Variants in PCDHGB1 observed in about 807,000 individuals in gnomAD.
PCDHGB1 encodes the protein protocadherin gamma-B1.
Under a neutral mutation model 56.6 loss-of-function variants are expected in PCDHGB1, and 34 were observed. The ratio of observed to expected loss-of-function variants is 0.60; its 90% CI spans 0.46 to 0.80. The LOEUF (loss-of-function observed/expected upper bound fraction) is 0.80, where lower values mean the gene tolerates loss of function less well. Among genes scored for constraint, PCDHGB1 ranks in the 30% least tolerant of loss-of-function variants. The pLI is 0.00. For synonymous variants in PCDHGB1, 561 were observed against 505.9 expected (o/e 1.11, Z -1.46); for missense variants, 1,278 against 1,204.6 (o/e 1.06, Z -0.90).
chr5:141,436,594 G>A (rs79477223), intron 1 of PCDHGB1, among the ~76,000 whole-genome samples: 2 of 152,106 alleles, frequency 1.3e-5, no homozygotes, highest in African/African-American at 2.4e-5. Flanking sequence ...AAAGGTCGTG[G>A]TGATGGCTAG....
At chr5:141,469,893 A>G (rs2099214569) in intron 1 of PCDHGB1, among the ~76,000 whole-genome samples, 1 of 152,200 alleles carries the variant, frequency 6.6e-6, no homozygotes, top group South Asian at 2.1e-4. Context: ...CACTTTGGGA[A>G]GCCGAGGCAG....
At chr5:141,365,866 T>C (rs1335120625) in intron 1 of PCDHGB1, 1 of 1,614,068 alleles carries the variant, frequency 6.2e-7, no homozygotes, top group South Asian at 1.1e-5. Flanking sequence ...CTGACACCGG[T>C]GTCCTGTATG....
At chr5:141,374,350 G>A in intron 1 of PCDHGB1, 1 of 1,614,038 alleles carries the variant, frequency 6.2e-7, no homozygotes, top group Non-Finnish European at 8.5e-7. Flanking sequence ...CCGCGGGTAG[G>A]ATAGACCGCG....
Position 141,350,723 on chromosome 5 carries a change from C to A in PCDHGB1, c.463C>A (p.Gln155Lys), listed in dbSNP as rs1394081378. 2.5e-6 allele frequency: 4 copies of A among 1,613,944 alleles called. No homozygotes were observed. The highest frequency in any genetic ancestry group is 3.4e-6 in the Non-Finnish European group (4 of 1,179,880). ...PGVKFSLDSAQDADVEGNSLK... is the reference protein window; with the variant it reads ...PGVKFSLDSAKDADVEGNSLK... ...GGTAAAATTCTCTCTGGATTCTGCT[C>A]AAGATGCAGATGTGGAAGGCAATTC... The change falls in exon 1 of 4, where the codon CAA becomes AAA. Residue 155 changes from glutamine to lysine, a missense_variant. Physicochemically the swap from Gln to Lys is moderately conservative, Grantham distance 53. Coordinates refer to ENST00000523390, the MANE Select transcript of PCDHGB1 (RefSeq NM_018922.3).
At chr5:141,445,538 G>A (rs1188324168) in intron 1 of PCDHGB1, among the ~76,000 whole-genome samples, 1 of 152,168 alleles carries the variant, frequency 6.6e-6, no homozygotes, top group African/African-American at 2.4e-5. Flanking sequence ...AGCCAACAAG[G>A]AGAAATACAA....
chr5:141,491,006 T>C lies in PCDHGB1; in HGVS notation c.2410-3801T>C. The C allele has an allele frequency of 6.2e-7, 1 of 1,614,062 alleles. No homozygotes were observed. Among genetic ancestry groups the C allele is most frequent in the Non-Finnish European group, 8.5e-7 (1 of 1,180,028 alleles). ...CGCTCTGCTCCTCCTGGCTCCTTGG[T>C]CACCAAGGTGACAGCCGTGGATGCT... On this transcript the variant is annotated intron_variant, in intron 1 of 3. Transcript: ENST00000523390. This position sits in a 1 kb window ranked among gnomAD's most constrained non-coding sequence, Gnocchi z 6.9.
chr5:141,421,860 C>T (rs759779291), intron 1 of PCDHGB1: 1 of 1,613,750 alleles, frequency 6.2e-7, no homozygotes. Flanking sequence ...CTCACCTGCT[C>T]CTCCTCACAG....
chr5:141,357,279 C>T lies in PCDHGB1; in HGVS notation c.2409+4610C>T, dbSNP rs139727169. 6.8e-6 allele frequency: 11 copies of T among 1,613,878 alleles called. No individual in the cohort carries two copies. The East Asian group carries it at 2.2e-4, about 33-fold the overall frequency. ...ACGACTCGGGCCTCACACTCTATCT[C>T]GTGGTGGCAGTGGCCGCTGTCTCCT... On this transcript the variant is annotated intron_variant, in intron 1 of 3. Coordinates refer to ENST00000523390, the MANE Select transcript of PCDHGB1 (RefSeq NM_018922.3).
chr5:141,505,317 G>A, intron 2 of PCDHGB1, 76 bp from the exon 3 acceptor site: 1 of 1,603,092 alleles, frequency 6.2e-7, no homozygotes, highest in Non-Finnish European at 8.5e-7. Flanking sequence ...AGGTTTGGGA[G>A]CCCTGGGAGA....
chr5:141,393,508 T>C, intron 1 of PCDHGB1: 1 of 1,614,010 alleles, frequency 6.2e-7, no homozygotes, highest in Non-Finnish European at 8.5e-7. Context: ...CACGTGACAG[T>C]GTTGGATACA....
intron 3 of PCDHGB1, among the ~76,000 whole-genome samples, chr5:141,508,837 A>C (rs1596180024): frequency 6.7e-6 from 1 of 149,276 alleles, no homozygotes; most frequent in Non-Finnish European, 1.5e-5. Context: ...CCCCTCCCCT[A>C]CCCCTTCCAT....
intron 1 of PCDHGB1, among the ~76,000 whole-genome samples, chr5:141,438,591 CATATATATATATATATATAT>C (rs946798767): frequency 2.1e-4 from 16 of 75,572 alleles, no homozygotes; most frequent in Middle Eastern, 0.016. Context: ...TACATACATA[CATATATATATATATATATAT>C]ATATATATAT....
rs765263883 is a variant in PCDHGB1 at position 141,491,018 on chromosome 5, C to T, written c.2410-3789C>T. On this transcript the variant is annotated intron_variant, in intron 1 of 3. Coordinates refer to ENST00000523390, the MANE Select transcript of PCDHGB1 (RefSeq NM_018922.3). This position sits in a 1 kb window ranked among gnomAD's most constrained non-coding sequence, Gnocchi z 6.9. The stretch of plus-strand genomic sequence containing the variant: ...CCTGGCTCCTTGGTCACCAAGGTGA[C>T]AGCCGTGGATGCTGATGCAGGCCAC... 1.2e-6 allele frequency: 2 copies of T among 1,614,146 alleles called. No individual in the cohort carries two copies. The highest frequency in any genetic ancestry group is 1.7e-6 in the Non-Finnish European group (2 of 1,180,042).
intron 1 of PCDHGB1, chr5:141,357,701 A>T: frequency 6.7e-7 from 1 of 1,500,850 alleles, no homozygotes; most frequent in Non-Finnish European, 8.9e-7. Flanking sequence ...TTTATATGTA[A>T]TATATCAAAT....
chr5:141,385,283 T>C, intron 1 of PCDHGB1: 1 of 1,613,444 alleles, frequency 6.2e-7, no homozygotes, highest in Non-Finnish European at 8.5e-7. Flanking sequence ...CTAACATCCG[T>C]AGATTTTCAG....
rs115982940 is a variant in PCDHGB1, at chr5:141,457,996, G to A, written c.2410-36811G>A. On this transcript the variant is annotated intron_variant, in intron 1 of 3. Transcript: ENST00000523390. ...AACACACCCTTTCAGTTAAAGCCTTGGCAAAATAACCGGTTTTTCCAATTG... is the reference window on the plus strand; with the variant it reads ...AACACACCCTTTCAGTTAAAGCCTTAGCAAAATAACCGGTTTTTCCAATTG... Among the ~76,000 whole-genome samples the A allele has an allele frequency of 2.4e-3, 372 of 152,212 alleles. 2 individuals carry two copies. Among genetic ancestry groups the A allele is most frequent in the African/African-American group, 8.4e-3 (347 of 41,522 alleles).
Position 141,383,923 on chromosome 5 carries a change from G to T in PCDHGB1, c.2409+31254G>T, listed in dbSNP as rs201582947. On this transcript the variant is annotated intron_variant, in intron 1 of 3. Coordinates refer to ENST00000523390, the MANE Select transcript of PCDHGB1 (RefSeq NM_018922.3). ...ACTGATCACAGTTTTAGATGTAAAT[G>T]ATAATGCTCCAGAAGTGACTATGAC... 169 of 1,613,826 alleles carry T rather than the reference G, an allele frequency of 1.0e-4. No homozygotes were observed. Among genetic ancestry groups the T allele is most frequent in the Non-Finnish European group, 1.3e-4 (156 of 1,179,886 alleles).
Position 141,426,411 on chromosome 5 carries a change from C to A in PCDHGB1, c.2410-68396C>A, listed in dbSNP as rs1561821998. 10 of 286,096 alleles carry A rather than the reference C, an allele frequency of 3.5e-5. No homozygotes were observed. In the South Asian group the frequency reaches 3.7e-4, roughly 11 times the overall value. The allele number at this position is 286,096 out of a possible 1,614,324, so 17.7% of individuals were successfully genotyped here. On this transcript the variant is annotated intron_variant, in intron 1 of 3. Coordinates refer to ENST00000523390, the MANE Select transcript of PCDHGB1 (RefSeq NM_018922.3). ...GCTACTCTATTCCAGAAGAAACGGT[C>A]CAGGGCTCCGTGGTGGGGAACCTTG... is the stretch of plus-strand genomic sequence containing the variant.
At chr5:141,388,115 G>C (rs747417828) in intron 1 of PCDHGB1, 1 of 1,410,070 alleles carries the variant, frequency 7.1e-7, no homozygotes. Flanking sequence ...ACTTCACCGT[G>C]AGCGCAGAGA....
Sources: allele counts gnomAD v4.1 joint callset (sites outside exome capture counted in the v4.1 genomes callset), GRCh38; gene constraint gnomAD v4.1.1; non-coding constraint Gnocchi (gnomAD v3.1); transcripts MANE v1.5; gene names NCBI Gene and HGNC (gene_info 2026-07-23, HGNC 2026-07-21).